The following LAMA2 variants were observed in gnomAD, a reference collection of about 807,000 sequenced individuals.
LAMA2 encodes laminin subunit alpha-2.
In LAMA2, 269 loss-of-function variants were observed where a neutral mutation model predicts 364.8. The observed-to-expected ratio is 0.74, with a 90% confidence interval of 0.67 to 0.82. LAMA2 has a LOEUF of 0.82. Ranked by LOEUF, LAMA2 falls within the 40% of genes least tolerant of loss-of-function variation. LAMA2 has a pLI of 0.00. For missense variants in LAMA2, 3,807 were observed against 3,873.2 expected (o/e 0.98, Z 0.45); for synonymous variants, 1,379 against 1,370.6 (o/e 1.01, Z -0.14).
At chr6:128,982,973 T>C (rs1782991398) in intron 1 of LAMA2, among the ~76,000 whole-genome samples, 1 of 148,368 alleles carries the variant, frequency 6.7e-6, no homozygotes, top group African/African-American at 2.6e-5. Flanking sequence ...TAGTATTCCA[T>C]GGTGTATATG....
intron 12 of LAMA2, among the ~76,000 whole-genome samples, chr6:129,242,554 T>C (rs574945147): frequency 6.6e-6 from 1 of 152,272 alleles, no homozygotes; most frequent in South Asian, 2.1e-4. Context: ...TCTGTATTAA[T>C]ATAAAACTAT....
At chr6:129,078,096 G>A (rs868417810) in intron 3 of LAMA2, among the ~76,000 whole-genome samples, 13 of 151,416 alleles carry the variant, frequency 8.6e-5, no homozygotes, top group East Asian at 3.9e-4. Context: ...GAGGTTATAT[G>A]TTTATGGGGG....
At chr6:129,088,732 A>C (rs1562228423) in intron 3 of LAMA2, among the ~76,000 whole-genome samples, 1 of 150,880 alleles carries the variant, frequency 6.6e-6, no homozygotes, top group Non-Finnish European at 1.5e-5. Flanking sequence ...TGCCGGGCAG[A>C]GGGGCTCCTC....
intron 4 of LAMA2, among the ~76,000 whole-genome samples, chr6:129,141,062 A>T (rs534677668): frequency 1.3e-5 from 2 of 152,196 alleles, no homozygotes; most frequent in East Asian, 3.9e-4. Flanking sequence ...AATAAACTCT[A>T]ATAATGTTCA....
At chr6:129,118,167 A>T (rs1459126223) in intron 4 of LAMA2, among the ~76,000 whole-genome samples, 1 of 152,260 alleles carries the variant, frequency 6.6e-6, no homozygotes, top group African/African-American at 2.4e-5. Flanking sequence ...ACACTGAAAT[A>T]GCTGAACGAA....
At chr6:129,124,064 G>A (rs1415687391) in intron 4 of LAMA2, among the ~76,000 whole-genome samples, 3 of 151,846 alleles carry the variant, frequency 2.0e-5, no homozygotes, top group Admixed American at 1.3e-4. Context: ...ACCTCAACAT[G>A]TTTTTTTTAA....
rs1465441848 is a variant in LAMA2 at position 129,502,682 on chromosome 6, A to G, written c.8268A>G (p.Glu2756=). The change falls in exon 59 of 65, where the codon GAA becomes GAG. Residue 2756 remains glutamate, a synonymous_variant. Transcript: ENST00000421865. The stretch of plus-strand genomic sequence containing the variant: ...AGGGTCCTTGTGCTGCAGAATCAGA[A>G]CCAGCTCTTTTGATAGGGAGCAAGC... The part of the protein sequence containing the change: ...LTHGPCAAES[E]PALLIGSKQF... 4.3e-6 allele frequency: 7 copies of G among 1,613,948 alleles called. No individual in the cohort carries two copies. The highest frequency in any genetic ancestry group is 4.2e-6 in the Non-Finnish European group (5 of 1,179,810).
intron 4 of LAMA2, among the ~76,000 whole-genome samples, chr6:129,130,257 C>T (rs1173594546): frequency 1.3e-5 from 2 of 152,328 alleles, no homozygotes; most frequent in African/African-American, 4.8e-5. Flanking sequence ...TCTTCTGGTG[C>T]ACTCTGGTTC....
intron 4 of LAMA2, among the ~76,000 whole-genome samples, chr6:129,120,647 T>C (rs1442871031): frequency 6.6e-6 from 1 of 152,228 alleles, no homozygotes; most frequent in Non-Finnish European, 1.5e-5. Flanking sequence ...TGCCAATGAC[T>C]TAACTTCTGT....
Position 129,288,792 on chromosome 6 carries a change from A to C in LAMA2, c.2749+734A>C, listed in dbSNP as rs564065065. ...AGAATATGAAGGCGGATCTTGTTGC[A>C]GAAGATCAAATGGAAAGTGAATCCA... On this transcript the variant is annotated intron_variant, in intron 19 of 64. Transcript: ENST00000421865. Among the ~76,000 whole-genome samples the C allele has an allele frequency of 7.4e-4, 112 of 152,334 alleles. No homozygotes were observed. The Middle Eastern group carries it at 0.017, about 23-fold the overall frequency.
intron 1 of LAMA2, among the ~76,000 whole-genome samples, chr6:129,037,730 C>G (rs1019567804): frequency 8.1e-5 from 12 of 148,308 alleles, no homozygotes; most frequent in African/African-American, 2.8e-4. Flanking sequence ...AGTGCAGTGG[C>G]GCGATCTCTG....
intron 8 of LAMA2, among the ~76,000 whole-genome samples, chr6:129,155,230 T>C (rs904294421): frequency 6.6e-6 from 1 of 152,208 alleles, no homozygotes; most frequent in Non-Finnish European, 1.5e-5. Flanking sequence ...GTCATATTTT[T>C]ATTTACCTTG....
chr6:129,486,905 C>G (rs1433196937), intron 56 of LAMA2, among the ~76,000 whole-genome samples: 1 of 152,194 alleles, frequency 6.6e-6, no homozygotes, highest in African/African-American at 2.4e-5. Context: ...AAAAATCCCT[C>G]CCTCTGCCCC....
chr6:129,249,961 T>C (rs1255107290), intron 12 of LAMA2, 151 bp from the exon 13 acceptor site: 1 of 676,780 alleles, frequency 1.5e-6, no homozygotes, highest in African/African-American at 1.8e-5. Flanking sequence ...CCTAAATAAA[T>C]GCCTATCATT....
chr6:129,024,382 C>CTT (rs202105513), intron 1 of LAMA2, among the ~76,000 whole-genome samples: 7 of 116,820 alleles, frequency 6.0e-5, no homozygotes, highest in African/African-American at 2.0e-4. Flanking sequence ...TCTTTTCTTT[C>CTT]TTTTTTTTTT....
At chr6:129,291,579 G>A (rs1237182140) in intron 19 of LAMA2, 35 bp from the exon 20 acceptor site, 7 of 1,494,776 alleles carry the variant, frequency 4.7e-6, no homozygotes, top group Admixed American at 3.4e-5. Context: ...CTATTAGAAA[G>A]TTTTCCTGAT....
chr6:129,201,481 G>C (rs1228920249), intron 12 of LAMA2, among the ~76,000 whole-genome samples: 1 of 152,176 alleles, frequency 6.6e-6, no homozygotes, highest in Non-Finnish European at 1.5e-5. Context: ...AACAATTCCT[G>C]AGCTGATACA....
Position 129,027,362 on chromosome 6 carries a change from A to G in LAMA2, c.113-22556A>G, listed in dbSNP as rs1785896364. Among the ~76,000 whole-genome samples the G allele has an allele frequency of 1.3e-5, 2 of 152,056 alleles. 1 individual carries two copies. The highest frequency in any genetic ancestry group is 2.9e-5 in the Non-Finnish European group (2 of 67,914). On this transcript the variant is annotated intron_variant, in intron 1 of 64. Transcript: ENST00000421865. ...TTTCACCCCACTGATAGTTTTTAAT[A>G]TGTGGAGGTACACATACATATCTCT...
Position 129,137,436 on chromosome 6 carries a change from C to T in LAMA2, c.640-6465C>T, listed in dbSNP as rs147408923. The stretch of plus-strand genomic sequence containing the variant: ...AAATATAAATGGCTCTGCTAGTATA[C>T]TAAAAAATATAAATGGCTCTACTAG... On this transcript the variant is annotated intron_variant, in intron 4 of 64. Coordinates refer to ENST00000421865, the MANE Select transcript of LAMA2 (RefSeq NM_000426.4). Among the ~76,000 whole-genome samples, 510 of 151,976 alleles carry T rather than the reference C, an allele frequency of 3.4e-3. 4 individuals carry two copies. Among genetic ancestry groups the T allele is most frequent in the Non-Finnish European group, 3.6e-3 (243 of 67,940 alleles).
Sources: gnomAD v4.1 joint callset for allele counts (sites outside exome capture counted in the v4.1 genomes callset) on GRCh38, gnomAD v4.1.1 for gene constraint, MANE v1.5 for transcripts, NCBI Gene and HGNC (gene_info 2026-07-23, HGNC 2026-07-21) for gene names.